The following DMGDH variants were observed in gnomAD, a reference collection of about 807,000 sequenced individuals.
The protein encoded by DMGDH is dimethylglycine dehydrogenase, mitochondrial.
Under a neutral mutation model 95.2 loss-of-function variants are expected in DMGDH, and 76 were observed. The observed-to-expected ratio is 0.80, with a 90% confidence interval of 0.66 to 0.97. The LOEUF (loss-of-function observed/expected upper bound fraction) is 0.97. DMGDH is among the 50% of genes least tolerant of loss of function. The probability of loss-of-function intolerance (pLI) is 0.00; values close to 1 mark genes in which losing one functional copy is unlikely to be tolerated. For synonymous variants in DMGDH, 345 were observed against 377.6 expected, an observed-to-expected ratio of 0.91 and a Z score of 1.00; for missense variants, 987 against 1,055.0, an observed-to-expected ratio of 0.94 and a Z score of 0.89.
At chr5:79,008,634 C>A (rs2112602182) in intron 14 of DMGDH, among the ~76,000 whole-genome samples, 1 of 152,114 alleles carries the variant, frequency 6.6e-6, no homozygotes, top group South Asian at 2.1e-4. Flanking sequence ...TTGAGATGTG[C>A]TGGAAAAGGA....
intron 1 of DMGDH, among the ~76,000 whole-genome samples, chr5:79,065,347 G>T (rs1415235566): frequency 1.3e-5 from 2 of 151,840 alleles, no homozygotes; most frequent in South Asian, 2.1e-4. Context: ...GAGTAGCTGG[G>T]ATTACAGACA....
intron 7 of DMGDH, among the ~76,000 whole-genome samples, chr5:79,037,653 CAG>C (rs992385652): frequency 2.0e-5 from 3 of 152,148 alleles, no homozygotes; most frequent in Non-Finnish European, 4.4e-5. Context: ...CACATGCAAA[CAG>C]ATGTGATTTC....
chr5:79,020,605 T>C (rs1049491243), intron 14 of DMGDH: 49 of 926,552 alleles, frequency 5.3e-5, no homozygotes, highest in Admixed American at 6.2e-5. Context: ...CGAACAGTTA[T>C]GCTTTAAATA....
intron 12 of DMGDH, among the ~76,000 whole-genome samples, chr5:79,026,787 G>C (rs568564196): frequency 3.3e-5 from 5 of 152,298 alleles, no homozygotes. Flanking sequence ...TGCCGATCCT[G>C]ACTCCCATGT....
chr5:79,051,509 G>A lies in DMGDH; in HGVS notation c.541-18C>T, dbSNP rs747411340. The A allele has an allele frequency of 1.6e-5, 26 of 1,599,736 alleles. No homozygotes were observed. The South Asian group carries it at 2.8e-4, about 17-fold the overall frequency. ...GCTAAAACCTAAATCAATCATACCAGAGTCAATACTCAAATATATATATAC... is the reference window on the plus strand; with the variant it reads ...GCTAAAACCTAAATCAATCATACCAAAGTCAATACTCAAATATATATATAC... On this transcript the variant is annotated intron_variant, in intron 4 of 15. Coordinates refer to ENST00000255189, the MANE Select transcript of DMGDH (RefSeq NM_013391.3).
chr5:79,059,945 C>T (rs1028183648), intron 2 of DMGDH, among the ~76,000 whole-genome samples: 3 of 152,114 alleles, frequency 2.0e-5, no homozygotes, highest in African/African-American at 7.2e-5. Flanking sequence ...TATTTAAAGC[C>T]CTATTTCTAT....
intron 9 of DMGDH, among the ~76,000 whole-genome samples, chr5:79,031,629 G>A (rs945992022): frequency 2.0e-5 from 3 of 152,158 alleles, no homozygotes; most frequent in Non-Finnish European, 4.4e-5. Flanking sequence ...TGATCTCCAA[G>A]GCCTTCACAT....
intron 14 of DMGDH, among the ~76,000 whole-genome samples, chr5:79,015,204 C>T (rs1244426335): frequency 1.3e-5 from 2 of 152,258 alleles, no homozygotes; most frequent in Middle Eastern, 3.4e-3. Flanking sequence ...CATTAACATC[C>T]TCCTCTCACC....
chr5:78,998,699 A>G (rs926500713), intron 15 of DMGDH, among the ~76,000 whole-genome samples: 11 of 152,092 alleles, frequency 7.2e-5, no homozygotes, highest in African/African-American at 2.4e-4. Context: ...AAAATACAAA[A>G]ATTAGCTGGG....
chr5:79,054,345 C>T lies in DMGDH; in HGVS notation c.379G>A (p.Val127Met), dbSNP rs770008852. The change falls in exon 4 of 16, where the codon GTG becomes ATG. Residue 127 changes from valine to methionine, a missense_variant. Coordinates refer to ENST00000255189, the MANE Select transcript of DMGDH (RefSeq NM_013391.3). The part of the protein sequence containing the change: ...EKLEEETGQV[V>M]GFHQPGSIRL... ...ATACTACCTGGCTGATGGAATCCCACCACCTGTGACAATAATTCCAGTGAG... is the reference window on the plus strand; with the variant it reads ...ATACTACCTGGCTGATGGAATCCCATCACCTGTGACAATAATTCCAGTGAG... 1.9e-6 allele frequency: 3 copies of T among 1,614,020 alleles called. No individual in the cohort carries two copies. In the South Asian group the frequency reaches 3.3e-5, roughly 18 times the overall value.
intron 5 of DMGDH, among the ~76,000 whole-genome samples, chr5:79,050,538 C>A (rs896648112): frequency 2.0e-5 from 3 of 152,104 alleles, no homozygotes; most frequent in African/African-American, 4.8e-5. Context: ...AGCATTTTCA[C>A]TGTAATTTAT....
At chr5:79,030,117 G>A in intron 10 of DMGDH, 83 bp from the exon 11 acceptor site, 1 of 1,215,026 alleles carries the variant, frequency 8.2e-7, no homozygotes, top group African/African-American at 1.5e-5. Flanking sequence ...TAACAATGTG[G>A]GTGTTAAGAA....
At chr5:79,054,891 A>G (rs1399508744) in intron 3 of DMGDH, among the ~76,000 whole-genome samples, 1 of 152,228 alleles carries the variant, frequency 6.6e-6, no homozygotes, top group Non-Finnish European at 1.5e-5. Context: ...GGGAGGACCA[A>G]CAAGTAAATC....
chr5:79,055,057 G>T (rs541659530), intron 3 of DMGDH, among the ~76,000 whole-genome samples: 2 of 152,334 alleles, frequency 1.3e-5, no homozygotes, highest in African/African-American at 4.8e-5. Flanking sequence ...GGTGGATGCC[G>T]AAGATGGGGC....
chr5:79,021,765 A>G (rs1753873023), intron 14 of DMGDH: 2 of 1,231,576 alleles, frequency 1.6e-6, no homozygotes, highest in South Asian at 2.5e-5. Flanking sequence ...CAAACAATAT[A>G]TGTTACCAGA....
chr5:79,012,564 A>G (rs2112604929), intron 14 of DMGDH, among the ~76,000 whole-genome samples: 1 of 152,328 alleles, frequency 6.6e-6, no homozygotes, highest in Non-Finnish European at 1.5e-5. Flanking sequence ...ACACTGTCTT[A>G]GGTAGATGTT....
chr5:79,054,199 T>A lies in DMGDH; in HGVS notation c.525A>T (p.Leu175Phe), dbSNP rs149767299. The change falls in exon 4 of 16, where the codon TTA becomes TTT. Residue 175 changes from leucine to phenylalanine, a missense_variant. Transcript: ENST00000255189. ...EPEKIQEMFPLLNMNKVLAGL... is the reference protein window; with the variant it reads ...EPEKIQEMFPFLNMNKVLAGL... ...AGATAAATACCTTATTCATGTTGAG[T>A]AAAGGGAACATCTCTTGAATTTTTT... The A allele has an allele frequency of 1.4e-4, 230 of 1,613,970 alleles. No individual in the cohort carries two copies. Among genetic ancestry groups the A allele is most frequent in the Non-Finnish European group, 1.9e-4 (223 of 1,179,968 alleles).
intron 3 of DMGDH, 147 bp from the exon 4 acceptor site, chr5:79,054,495 T>C (rs1408330783): frequency 1.1e-6 from 1 of 878,836 alleles, no homozygotes; most frequent in Non-Finnish European, 1.8e-6. Context: ...TGCATCTTAT[T>C]AAAAGACACT....
At chr5:79,000,981 T>A (rs1213851542) in intron 15 of DMGDH, 3 of 696,928 alleles carry the variant, frequency 4.3e-6, no homozygotes, top group Non-Finnish European at 7.8e-6. Context: ...CCATTTGGGG[T>A]CATCTATATC....
Sources: gnomAD v4.1 joint callset for allele counts (sites outside exome capture counted in the v4.1 genomes callset) on GRCh38, gnomAD v4.1.1 for gene constraint, MANE v1.5 for transcripts, NCBI Gene and HGNC (gene_info 2026-07-23, HGNC 2026-07-21) for gene names.